The following RAB11FIP5 variants were observed in gnomAD, a reference collection of about 807,000 sequenced individuals.
RAB11FIP5 encodes RAB11 family interacting protein 5.
In RAB11FIP5, 48 loss-of-function variants were observed where a neutral mutation model predicts 85.1. The observed-to-expected ratio is 0.56, with a 90% CI of 0.45 to 0.72. The LOEUF (loss-of-function observed/expected upper bound fraction) is 0.72, where lower values mean the gene tolerates loss of function less well. RAB11FIP5 is among the 30% of genes least tolerant of loss of function. RAB11FIP5 has a pLI of 0.00. For synonymous variants in RAB11FIP5, 729 were observed against 727.3 expected, an observed-to-expected ratio of 1.00 and a Z score of -0.04; for missense variants, 1,491 against 1,687.0, an observed-to-expected ratio of 0.88 and a Z score of 2.04.
At chr2:73,100,429 T>TC (rs1453037967) in intron 1 of RAB11FIP5, among the ~76,000 whole-genome samples, 1 of 149,866 alleles carries the variant, frequency 6.7e-6, no homozygotes, top group East Asian at 1.9e-4. Context: ...GTTGTGGTTT[T>TC]TTTTTTTTTT....
In RAB11FIP5 at chr2:73,080,517, C is replaced by G. The variant is rs1043402844; in HGVS notation, c.2715G>C (p.Pro905=). The G allele has an allele frequency of 2.4e-6, 3 of 1,232,872 alleles. No individual in the cohort carries two copies. The highest frequency in any genetic ancestry group is 3.0e-6 in the Non-Finnish European group (3 of 988,332). The allele number at this position is 1,232,872 out of a possible 1,614,324, so 76.4% of individuals were successfully genotyped here. A position where few individuals can be genotyped will look rare whatever the true frequency, so the allele number is the denominator to read the frequency against. ...GGGATCTTGAGGGTGTGAAGAGGCGCGGTGGCTTGGGAGGTGGGGTGCTGG... is the reference window on the plus strand; with the variant it reads ...GGGATCTTGAGGGTGTGAAGAGGCGGGGTGGCTTGGGAGGTGGGGTGCTGG... The part of the protein sequence containing the change: ...LQPSTPPPKP[P]RLFTPSRSQE... Residue 905 remains proline (P), a synonymous_variant, in exon 4 of 6, where the codon CCG becomes CCC. Transcript: ENST00000486777.
chr2:73,093,880 G>T (rs1288304842), intron 1 of RAB11FIP5, among the ~76,000 whole-genome samples: 1 of 152,206 alleles, frequency 6.6e-6, no homozygotes, highest in Middle Eastern at 3.2e-3. Flanking sequence ...CAGCACTTTG[G>T]GAGGCCAAGG....
chr2:73,089,420 T>A lies in RAB11FIP5; in HGVS notation c.432-105A>T. 1 of 1,158,558 alleles carries A rather than the reference T, an allele frequency of 8.6e-7. No homozygotes were observed. The highest frequency in any genetic ancestry group is 1.5e-5 in the African/African-American group (1 of 66,204). The allele number at this position is 1,158,558 out of a possible 1,614,324, so 71.8% of individuals were successfully genotyped here. A position where few individuals can be genotyped will look rare whatever the true frequency, so the allele number is the denominator to read the frequency against. ...GACCCCTCCTTGCTCTGAGAGCCAC[T>A]GATAGCCTCTCCCCAAAGGCTCCTG... On this transcript the variant is annotated intron_variant, in intron 1 of 5. Coordinates refer to ENST00000486777, the MANE Select transcript of RAB11FIP5 (RefSeq NM_001371272.1). The surrounding 1 kb of genome is among the most constrained non-coding windows in gnomAD (Gnocchi z 4.6).
intron 3 of RAB11FIP5, among the ~76,000 whole-genome samples, chr2:73,083,147 C>T (rs915805314): frequency 5.9e-5 from 9 of 152,248 alleles, no homozygotes; most frequent in African/African-American, 1.7e-4. Context: ...GGGCTTTGGC[C>T]AGCCAGCCCA....
rs1683981621 is a variant in RAB11FIP5, at chr2:73,081,439, G to A, written c.1793C>T (p.Pro598Leu). 1.6e-6 allele frequency: 2 copies of A among 1,232,984 alleles called. No individual in the cohort carries two copies. Among genetic ancestry groups the A allele is most frequent in the Non-Finnish European group, 1.0e-6 (1 of 988,358 alleles). The allele number at this position is 1,232,984 out of a possible 1,614,324, so 76.4% of individuals were successfully genotyped here. Residue 598 changes from proline (P) to leucine (L), a missense_variant, in exon 4 of 6, where the codon CCG (proline) becomes CTG (leucine). Pro to Leu is a moderately conservative substitution (Grantham distance 98). This residue lies in a region of RAB11FIP5 where 1,211 missense variants were observed against 1,338.0 expected (regional missense o/e 0.91). Transcript: ENST00000486777. The surrounding 1 kb of genome is among the most constrained non-coding windows in gnomAD (Gnocchi z 4.2). ...GTTGCTCTGCAAAGAGGTGAGGAAC[G>A]GGTTGGTAAGACCCAATAATCCAGG... Reference protein sequence around the residue: ...TPPGLLGLTNPFLTSLQSNPF... With the variant: ...TPPGLLGLTNLFLTSLQSNPF...
chr2:73,108,619 C>T (rs1684577137), intron 1 of RAB11FIP5, among the ~76,000 whole-genome samples: 1 of 152,176 alleles, frequency 6.6e-6, no homozygotes, highest in African/African-American at 2.4e-5. Flanking sequence ...ACACCAATCG[C>T]ATAAAGACCA....
At chr2:73,106,192 C>T (rs1684522954) in intron 1 of RAB11FIP5, among the ~76,000 whole-genome samples, 1 of 152,212 alleles carries the variant, frequency 6.6e-6, no homozygotes, top group African/African-American at 2.4e-5. Context: ...AGTGCCAGCA[C>T]CCAGATAGGC....
At chr2:73,083,698 A>G (rs1392261035) in intron 3 of RAB11FIP5, among the ~76,000 whole-genome samples, 1 of 152,168 alleles carries the variant, frequency 6.6e-6, no homozygotes, top group Non-Finnish European at 1.5e-5. Context: ...CAAGGCACAC[A>G]TGCCTGCTGT....
At chr2:73,108,180 C>T (rs1004927152) in intron 1 of RAB11FIP5, among the ~76,000 whole-genome samples, 3 of 152,316 alleles carry the variant, frequency 2.0e-5, no homozygotes, top group South Asian at 4.1e-4. Context: ...AGGGGCTGAA[C>T]GGAGCCTCTT....
At chr2:73,107,352 A>G (rs1407278189) in intron 1 of RAB11FIP5, among the ~76,000 whole-genome samples, 1 of 152,186 alleles carries the variant, frequency 6.6e-6, no homozygotes, top group Non-Finnish European at 1.5e-5. Flanking sequence ...TTTAGACAAG[A>G]GCGTCACAGC....
At position 73,111,115 on chromosome 2, in the gene RAB11FIP5, A is replaced by G. The variant is rs142676978; in HGVS notation, c.431+1232T>C. Among the ~76,000 whole-genome samples, 440 of 152,190 alleles carry G rather than the reference A, an allele frequency of 2.9e-3. 1 individual carries two copies. The highest frequency in any genetic ancestry group is 0.01 in the African/African-American group (419 of 41,506). ...CGGGGAGCAGGCCAGGGGATGGGGA[A>G]ATGGAGTCAGGTCACAGCCATGCCT... On this transcript the variant is annotated intron_variant, in intron 1 of 5. Transcript: ENST00000486777.
intron 3 of RAB11FIP5, among the ~76,000 whole-genome samples, chr2:73,082,754 G>T (rs766487641): frequency 1.3e-5 from 2 of 152,184 alleles, no homozygotes; most frequent in Non-Finnish European, 2.9e-5. Flanking sequence ...CCAGGACAGG[G>T]TCCTTTCTGG....
intron 1 of RAB11FIP5, among the ~76,000 whole-genome samples, chr2:73,099,854 C>T (rs1684395055): frequency 6.6e-6 from 1 of 152,172 alleles, no homozygotes; most frequent in African/African-American, 2.4e-5. Context: ...CAGCCACTGC[C>T]CCAACCTCTT....
chr2:73,102,576 C>T (rs750281241), intron 1 of RAB11FIP5, among the ~76,000 whole-genome samples: 1 of 152,116 alleles, frequency 6.6e-6, no homozygotes, highest in South Asian at 2.1e-4. Flanking sequence ...ACCCCTTTTT[C>T]GCCCCCTGCG....
chr2:73,105,366 C>T (rs1232397686), intron 1 of RAB11FIP5, among the ~76,000 whole-genome samples: 3 of 152,192 alleles, frequency 2.0e-5, no homozygotes, highest in Non-Finnish European at 4.4e-5. Context: ...CCTCAGCCTC[C>T]TGAGTAGCTG....
In RAB11FIP5 at chr2:73,078,922, T is replaced by C. The variant is rs527822439; in HGVS notation, c.3581+729A>G. Among the ~76,000 whole-genome samples the C allele has an allele frequency of 1.3e-5, 2 of 152,242 alleles. No homozygotes were observed. The highest frequency in any genetic ancestry group is 1.5e-5 in the Non-Finnish European group (1 of 68,012). On this transcript the variant is annotated intron_variant, in intron 4 of 5. Coordinates refer to ENST00000486777, the MANE Select transcript of RAB11FIP5 (RefSeq NM_001371272.1). This position sits in a 1 kb window ranked among gnomAD's most constrained non-coding sequence, Gnocchi z 4.4. ...TTCATAATTCTTCCAAACCTCCCAA[T>C]GCCACAGTGAGCACAGTCACACAGG...
rs753920441 is a variant in RAB11FIP5, at chr2:73,088,608, C to T, written c.1010G>A (p.Cys337Tyr). Reference protein sequence around the residue: ...HLDAASRSSLCVNGSHIYNEE... With the variant: ...HLDAASRSSLYVNGSHIYNEE... ...ATTGTAAATGTGGCTCCCATTGACACAGAGCGAAGAGCGGGAGGCAGCATC... is the reference window on the plus strand; with the variant it reads ...ATTGTAAATGTGGCTCCCATTGACATAGAGCGAAGAGCGGGAGGCAGCATC... Residue 337 changes from cysteine to tyrosine, a missense_variant, in exon 3 of 6, where the codon TGT becomes TAT. By Grantham distance (194) the Cys-to-Tyr change is radical. Around this residue, in one of 3 missense-constraint regions of RAB11FIP5, gnomAD observed 1,211 missense variants for 1,338.0 expected, o/e 0.91. Coordinates refer to ENST00000486777, the MANE Select transcript of RAB11FIP5 (RefSeq NM_001371272.1). 1 of 1,613,562 alleles carries T rather than the reference C, an allele frequency of 6.2e-7. No individual in the cohort carries two copies. Among genetic ancestry groups the T allele is most frequent in the Non-Finnish European group, 8.5e-7 (1 of 1,180,044 alleles).
chr2:73,080,067 C>G lies in RAB11FIP5; in HGVS notation c.3165G>C (p.Val1055=). The change falls in exon 4 of 6, where the codon GTG becomes GTC. Residue 1055 remains valine (V), a synonymous_variant. Transcript: ENST00000486777. Reference sequence around the variant, plus strand: ...TCAAGGCATCTTCCTTGGAGACCCACACATCAGCCTGCTGGGAGGTGGCTG... The same window carrying G: ...TCAAGGCATCTTCCTTGGAGACCCAGACATCAGCCTGCTGGGAGGTGGCTG... ...SLSATSQQAD[V]WVSKEDALNP... The G allele has an allele frequency of 8.1e-7, 1 of 1,232,222 alleles. No individual in the cohort carries two copies. The highest frequency in any genetic ancestry group is 1.0e-6 in the Non-Finnish European group (1 of 988,018). 76.3% of individuals were successfully genotyped at this position (1,232,222 alleles called of 1,614,324 possible). A position where few individuals can be genotyped will look rare whatever the true frequency, so the allele number is the denominator to read the frequency against.
At chr2:73,084,640 A>ACAGCC (rs1257050759) in intron 3 of RAB11FIP5, among the ~76,000 whole-genome samples, 1 of 152,208 alleles carries the variant, frequency 6.6e-6, no homozygotes, top group African/African-American at 2.4e-5. Flanking sequence ...GTTCACCCTG[A>ACAGCC]CAGCCCCTCT....
Sources: gnomAD v4.1 joint callset for allele counts (sites outside exome capture counted in the v4.1 genomes callset) on GRCh38, gnomAD v4.1.1 for gene constraint, gnomAD v4.1.1 regional missense constraint, Gnocchi (gnomAD v3.1) non-coding constraint, MANE v1.5 for transcripts, NCBI Gene and HGNC (gene_info 2026-07-23, HGNC 2026-07-21) for gene names.